The following CDH8 variants were observed in gnomAD, a reference collection of about 807,000 sequenced individuals.
CDH8 encodes the protein cadherin-8.
A neutral mutation model predicts 68.1 loss-of-function variants in CDH8; 17 were observed. The observed-to-expected ratio is 0.25, with a 90% CI of 0.17 to 0.37. The LOEUF is 0.37. Among genes scored for constraint, CDH8 ranks in the 10% least tolerant of loss-of-function variants. CDH8 has a pLI of 1.00. For missense variants in CDH8, 763 were observed against 999.3 expected, an observed-to-expected ratio of 0.76 and a Z score of 3.19; for synonymous variants, 372 against 365.1, an observed-to-expected ratio of 1.02 and a Z score of -0.21.
Position 61,654,037 on chromosome 16 carries a change from A to C in CDH8, c.1971T>G (p.Asp657Glu), listed in dbSNP as rs1243045084. 6.2e-7 allele frequency: 1 copy of C among 1,614,046 alleles called. No homozygotes were observed. Among genetic ancestry groups the C allele is most frequent in the South Asian group, 1.1e-5 (1 of 91,086 alleles). The change falls in exon 12 of 12, where the codon GAT becomes GAG. Residue 657 changes from aspartate to glutamate, a missense_variant. By Grantham distance (45) the Asp-to-Glu change is conservative (BLOSUM62 2). Coordinates refer to ENST00000577390, the MANE Select transcript of CDH8 (RefSeq NM_001796.5). ...HKNEPLIIKD[D>E]EDVRENIIRY... ...GAATGATGTTTTCTCGAACGTCTTC[A>C]TCATCTTTGATAATTAATGGTTCAT... is the stretch of plus-strand genomic sequence containing the variant.
chr16:62,015,454 TATA>T (rs1159622081), intron 2 of CDH8, among the ~76,000 whole-genome samples: 1 of 152,114 alleles, frequency 6.6e-6, no homozygotes, highest in Non-Finnish European at 1.5e-5. Context: ...ATCTTAAATA[TATA>T]ATATCTTAAT....
At chr16:61,865,920 G>T (rs551612631) in intron 3 of CDH8, among the ~76,000 whole-genome samples, 1 of 152,218 alleles carries the variant, frequency 6.6e-6, no homozygotes, top group East Asian at 1.9e-4. Flanking sequence ...GCCTTCTACG[G>T]TATGTGACAA....
chr16:61,936,596 A>G (rs868051015), intron 2 of CDH8, among the ~76,000 whole-genome samples: 1 of 152,202 alleles, frequency 6.6e-6, no homozygotes, highest in African/African-American at 2.4e-5. Flanking sequence ...GGCATGTTCA[A>G]GTATTCAAGG....
intron 2 of CDH8, among the ~76,000 whole-genome samples, chr16:61,908,441 T>G (rs1964099902): frequency 6.6e-6 from 1 of 152,222 alleles, no homozygotes; most frequent in Admixed American, 6.5e-5. Context: ...AAGGAGGAGC[T>G]GAAGACTTCT....
At chr16:61,938,519 C>A (rs1353776879) in intron 2 of CDH8, among the ~76,000 whole-genome samples, 1 of 152,074 alleles carries the variant, frequency 6.6e-6, no homozygotes, top group Non-Finnish European at 1.5e-5. Context: ...CTAAGAATTG[C>A]AAATATACTT....
At chr16:61,923,823 T>A (rs1428393286) in intron 2 of CDH8, among the ~76,000 whole-genome samples, 1 of 147,664 alleles carries the variant, frequency 6.8e-6, no homozygotes, top group East Asian at 1.9e-4. Flanking sequence ...ATATATATTA[T>A]ATATGTGATG....
chr16:61,656,527 G>A (rs1253362647), intron 10 of CDH8, among the ~76,000 whole-genome samples: 1 of 152,128 alleles, frequency 6.6e-6, no homozygotes. Flanking sequence ...TAAAAAGAAG[G>A]TCATTCATGG....
At chr16:61,658,197 T>A (rs1384684500) in intron 10 of CDH8, among the ~76,000 whole-genome samples, 2 of 152,078 alleles carry the variant, frequency 1.3e-5, no homozygotes, top group South Asian at 2.1e-4. Context: ...TCAAAAACCA[T>A]AGAATATTAG....
At chr16:61,892,895 A>G (rs1963802290) in intron 3 of CDH8, among the ~76,000 whole-genome samples, 1 of 152,214 alleles carries the variant, frequency 6.6e-6, no homozygotes, top group African/African-American at 2.4e-5. Context: ...GAAAGGGGAA[A>G]AAACCAAAAT....
At chr16:61,881,274 G>T (rs758745909) in intron 3 of CDH8, among the ~76,000 whole-genome samples, 30 of 152,176 alleles carry the variant, frequency 2.0e-4, no homozygotes, top group Non-Finnish European at 3.2e-4. Context: ...TGTGCTGATT[G>T]CTGTACAGTT....
chr16:61,873,575 C>G (rs747729781), intron 3 of CDH8, among the ~76,000 whole-genome samples: 15 of 152,162 alleles, frequency 9.9e-5, no homozygotes, highest in Non-Finnish European at 1.6e-4. Context: ...GACGGGTCAA[C>G]TTATGAATTT....
At chr16:61,713,780 G>T in intron 10 of CDH8, 61 bp downstream of exon 10, 1 of 877,998 alleles carries the variant, frequency 1.1e-6, no homozygotes, top group Non-Finnish European at 1.9e-6. Context: ...GTTATGTTAT[G>T]AAATTGCATC....
chr16:61,852,881 C>CCTTCCTTCCATT (rs1962967091), intron 4 of CDH8, among the ~76,000 whole-genome samples: 17 of 134,744 alleles, frequency 1.3e-4, no homozygotes, highest in African/African-American at 5.5e-4. Context: ...TTCCTTCCTT[C>CCTTCCTTCCATT]CTTCCTTCCT....
chr16:61,966,199 A>G (rs1177766429), intron 2 of CDH8, among the ~76,000 whole-genome samples: 3 of 152,178 alleles, frequency 2.0e-5, no homozygotes, highest in Non-Finnish European at 4.4e-5. Flanking sequence ...AAATGGTGCT[A>G]ATTTGAGAGG....
Position 61,647,358 on chromosome 16 carries a change from ACAAT to A in CDH8, c.*6246_*6249del, listed in dbSNP as rs1226882609. 7.3e-6 allele frequency: 1 copy of A among 137,100 alleles called. No individual in the cohort carries two copies. The highest frequency in any genetic ancestry group is 3.0e-5 in the African/African-American group (1 of 33,290). The allele number at this position is 137,100 out of a possible 1,614,324, so 8.5% of individuals were successfully genotyped here. On this transcript the variant is annotated 3_prime_UTR_variant, in exon 12 of 12. Transcript: ENST00000577390. ...CCAAAAACATCCATTCACATACTCA[ACAAT>A]CAGACTTGACAAAGATGACAGCTCT... is the stretch of plus-strand genomic sequence containing the variant.
At chr16:61,874,183 C>CA (rs1963419989) in intron 3 of CDH8, among the ~76,000 whole-genome samples, 1 of 151,782 alleles carries the variant, frequency 6.6e-6, no homozygotes, top group Non-Finnish European at 1.5e-5. Flanking sequence ...TATGTACCCA[C>CA]AAAAAATTTT....
chr16:61,772,632 C>T lies in CDH8; in HGVS notation c.1414+16714G>A, dbSNP rs541903923. 3.0e-4 allele frequency among the ~76,000 whole-genome samples: 45 copies of T among 152,128 alleles called. 2 individuals carry two copies. In the South Asian group the frequency reaches 8.1e-3, roughly 27 times the overall value. On this transcript the variant is annotated intron_variant, in intron 8 of 11. Transcript: ENST00000577390. The stretch of plus-strand genomic sequence containing the variant: ...CAGCAGAATTTGCTTTTCTTGTTTT[C>T]TCATTAGTTTTAACCAGATGCCAAT...
intron 2 of CDH8, among the ~76,000 whole-genome samples, chr16:61,992,190 C>A (rs931799090): frequency 1.3e-5 from 2 of 150,946 alleles, no homozygotes; most frequent in South Asian, 2.1e-4. Context: ...CAGAGATAAC[C>A]CAAATGTCCA....
Position 61,901,343 on chromosome 16 carries a change from T to C in CDH8, c.383A>G (p.Glu128Gly). 6.2e-7 allele frequency: 1 copy of C among 1,613,996 alleles called. No individual in the cohort carries two copies. Among genetic ancestry groups the C allele is most frequent in the Non-Finnish European group, 8.5e-7 (1 of 1,179,948 alleles). Residue 128 changes from glutamate (E) to glycine (G), a missense_variant, in exon 3 of 12, where the codon GAA (glutamate) becomes GGA (glycine). Around this residue, in one of 2 missense-constraint regions of CDH8, gnomAD observed 366 missense variants for 563.1 expected, o/e 0.65. Transcript: ENST00000577390. The part of the protein sequence containing the change: ...IHAIKRLDRE[E>G]KAEYTLTAQA... ...AGCTGTTAGGGTATACTCAGCCTTT[T>C]CCTCCCGGTCAAGTCTTTTTATAGC...
Sources: gnomAD v4.1 joint callset for allele counts (sites outside exome capture counted in the v4.1 genomes callset) on GRCh38, gnomAD v4.1.1 for gene constraint, gnomAD v4.1.1 regional missense constraint, MANE v1.5 for transcripts, NCBI Gene and HGNC (gene_info 2026-07-23, HGNC 2026-07-21) for gene names.